ACP3: variants seen among roughly 807,000 people sequenced by gnomAD.
ACP3 encodes the protein acid phosphatase 3.
In ACP3, 38 loss-of-function variants were observed where a neutral mutation model predicts 45.6. The ratio of observed to expected loss-of-function variants is 0.83; its 90% CI spans 0.64 to 1.09. ACP3 has a LOEUF of 1.09. Ranked by LOEUF, ACP3 falls within the 50% of genes least tolerant of loss-of-function variation. ACP3 has a pLI of 0.00. For missense variants in ACP3, 466 were observed against 463.2 expected, an observed-to-expected ratio of 1.01 and a Z score of -0.05; for synonymous variants, 162 against 164.7, an observed-to-expected ratio of 0.98 and a Z score of 0.13.
At chr3:132,342,465 A>C (rs1169375982) in intron 5 of ACP3, 87 bp from the exon 6 acceptor site, 4 of 938,400 alleles carry the variant, frequency 4.3e-6, no homozygotes, top group Non-Finnish European at 6.7e-6. Flanking sequence ...AGCTCCCTAC[A>C]ACAAACAATT....
Position 132,358,560 on chromosome 3 carries a change from G to T in ACP3, c.*1682G>T. 3 of 1,153,084 alleles carry T rather than the reference G, an allele frequency of 2.6e-6. No individual in the cohort carries two copies. The highest frequency in any genetic ancestry group is 3.3e-6 in the Non-Finnish European group (3 of 907,710). The allele number at this position is 1,153,084 out of a possible 1,614,324, so 71.4% of individuals were successfully genotyped here. A position where few individuals can be genotyped will look rare whatever the true frequency, so the allele number is the denominator to read the frequency against. Reference sequence around the variant, plus strand: ...TTTCTAGAGATGGTTTCTACTGGCTGCCAGAATCTAGAGCAAAGCCATCCC... The same window carrying T: ...TTTCTAGAGATGGTTTCTACTGGCTTCCAGAATCTAGAGCAAAGCCATCCC... On this transcript the variant is annotated 3_prime_UTR_variant, in exon 10 of 10. Coordinates refer to ENST00000336375, the MANE Select transcript of ACP3 (RefSeq NM_001099.5).
chr3:132,353,503 G>A (rs1348347955), intron 9 of ACP3, among the ~76,000 whole-genome samples: 1 of 152,168 alleles, frequency 6.6e-6, no homozygotes, highest in African/African-American at 2.4e-5. Context: ...CATTCTCATT[G>A]GGAGGAGAAG....
downstream of ACP3, among the ~76,000 whole-genome samples, chr3:132,362,303 C>T (rs1938055156): frequency 6.6e-6 from 1 of 152,180 alleles, no homozygotes; most frequent in Non-Finnish European, 1.5e-5. Context: ...CTATTTCTAC[C>T]ATATCATACT....
intron 9 of ACP3, among the ~76,000 whole-genome samples, chr3:132,353,799 C>A (rs57236858): frequency 2.0e-5 from 3 of 152,158 alleles, no homozygotes; most frequent in Non-Finnish European, 2.9e-5. Context: ...TTTCATCTTG[C>A]AAATTTTGTA....
chr3:132,323,012 C>A (rs1576406822), intron 1 of ACP3, among the ~76,000 whole-genome samples: 1 of 152,332 alleles, frequency 6.6e-6, no homozygotes, highest in East Asian at 1.9e-4. Context: ...TCACCAGAAG[C>A]TGACTAGATG....
At chr3:132,321,901 A>G (rs1261466097) in intron 1 of ACP3, among the ~76,000 whole-genome samples, 1 of 152,246 alleles carries the variant, frequency 6.6e-6, no homozygotes, top group African/African-American at 2.4e-5. Context: ...TATAACAAAT[A>G]TAATAATAAA....
intron 9 of ACP3, among the ~76,000 whole-genome samples, chr3:132,355,494 ATTTTATTTTATTTTAT>A (rs534138716): frequency 6.7e-6 from 1 of 150,192 alleles, no homozygotes; most frequent in African/African-American, 2.4e-5. Flanking sequence ...ATCTTATTTT[ATTTTATTTTATTTTAT>A]TTTTATTTTA....
intron 1 of ACP3, among the ~76,000 whole-genome samples, chr3:132,320,640 T>C (rs1020308917): frequency 1.4e-5 from 2 of 137,966 alleles, no homozygotes; most frequent in African/African-American, 5.5e-5. Flanking sequence ...TCAAGTAATA[T>C]AATATTCTTG....
At chr3:132,319,458 A>G (rs1346406968) in intron 1 of ACP3, among the ~76,000 whole-genome samples, 2 of 152,250 alleles carry the variant, frequency 1.3e-5, no homozygotes, top group African/African-American at 4.8e-5. Flanking sequence ...ATTGTATCAC[A>G]TAAGCCTGTC....
intron 7 of ACP3, among the ~76,000 whole-genome samples, chr3:132,346,965 G>A (rs1173478196): frequency 6.6e-6 from 1 of 152,240 alleles, no homozygotes; most frequent in Non-Finnish European, 1.5e-5. Flanking sequence ...AATAGTAGAT[G>A]TAGGGATGTG....
intron 4 of ACP3, 90 bp downstream of exon 4, chr3:132,332,434 C>T (rs965568768): frequency 4.0e-5 from 57 of 1,415,188 alleles, no homozygotes; most frequent in Non-Finnish European, 5.3e-5. Flanking sequence ...GGAGTCTGGA[C>T]ACTCCTTGAG....
At chr3:132,355,962 C>T (rs921538774) in intron 9 of ACP3, among the ~76,000 whole-genome samples, 9 of 152,180 alleles carry the variant, frequency 5.9e-5, no homozygotes, top group African/African-American at 1.9e-4. Flanking sequence ...CTTGAGTTCC[C>T]CTCCTGACTC....
chr3:132,326,723 T>C (rs1286528209), intron 1 of ACP3, among the ~76,000 whole-genome samples: 1 of 152,250 alleles, frequency 6.6e-6, no homozygotes, highest in African/African-American at 2.4e-5. Flanking sequence ...TCTTATTTAA[T>C]GTCTATTGAA....
intron 7 of ACP3, among the ~76,000 whole-genome samples, chr3:132,349,426 T>C (rs1216831204): frequency 1.3e-5 from 2 of 152,156 alleles, no homozygotes; most frequent in African/African-American, 4.8e-5. Context: ...TCCCATGGCC[T>C]CCCACAGGTC....
chr3:132,363,389 A>G (rs1372479571), downstream of ACP3, among the ~76,000 whole-genome samples: 2 of 152,062 alleles, frequency 1.3e-5, no homozygotes, highest in Non-Finnish European at 2.9e-5. Context: ...CCCAATCTCA[A>G]TTTATCTTCT....
intron 1 of ACP3, among the ~76,000 whole-genome samples, chr3:132,319,369 A>C (rs1333805326): frequency 6.6e-6 from 1 of 152,236 alleles, no homozygotes; most frequent in Non-Finnish European, 1.5e-5. Context: ...GATAATAACC[A>C]ATAGTCAATT....
At chr3:132,319,749 T>C (rs2107790178) in intron 1 of ACP3, among the ~76,000 whole-genome samples, 1 of 152,276 alleles carries the variant, frequency 6.6e-6, no homozygotes, top group Non-Finnish European at 1.5e-5. Flanking sequence ...TGACCCCGGA[T>C]GCCTTTCCCT....
exon 11 of ACP3, chr3:132,368,044 G>T: frequency 4.3e-6 from 2 of 461,280 alleles, no homozygotes; most frequent in South Asian, 5.7e-5. Context: ...AGTGCAGGCT[G>T]CTTGTTCAGC....
At position 132,352,791 on chromosome 3, in the gene ACP3, T is replaced by C; in HGVS notation, c.936T>C (p.Ser312=). The C allele has an allele frequency of 6.2e-7, 1 of 1,613,564 alleles. No individual in the cohort carries two copies. Among genetic ancestry groups the C allele is most frequent in the South Asian group, 1.1e-5 (1 of 91,078 alleles). The change falls in exon 9 of 10, where the codon TCT becomes TCC. Residue 312 remains serine (S), a synonymous_variant. Transcript: ENST00000336375. ...ACGGACTCCTTCCTCCCTATGCTTC[T>C]TGCCACTTGACGGAATTGTACTTTG... is the stretch of plus-strand genomic sequence containing the variant. ...VYNGLLPPYA[S]CHLTELYFEK...
Sources: gnomAD v4.1 joint callset for allele counts (sites outside exome capture counted in the v4.1 genomes callset) on GRCh38, gnomAD v4.1.1 for gene constraint, MANE v1.5 for transcripts, NCBI Gene and HGNC (gene_info 2026-07-23, HGNC 2026-07-21) for gene names.